Variants in TLK2 observed in about 807,000 individuals in gnomAD.
TLK2 encodes the protein tousled like kinase 2.
TLK2 carries 6 observed loss-of-function variants against 117.3 expected under a neutral mutation model. The ratio of observed to expected loss-of-function variants is 0.05; its 90% CI spans 0.03 to 0.10. The LOEUF (loss-of-function observed/expected upper bound fraction) is 0.10. TLK2 is among the 10% of genes least tolerant of loss of function. The pLI is 1.00. For synonymous variants in TLK2, 257 were observed against 316.7 expected (o/e 0.81, Z 2.00); for missense variants, 299 against 901.2 (o/e 0.33, Z 8.56).
At chr17:62,472,716 C>T (rs1345327510) in intron 1 of TLK2, among the ~76,000 whole-genome samples, 4 of 147,916 alleles carry the variant, frequency 2.7e-5, no homozygotes, top group Non-Finnish European at 4.4e-5. Flanking sequence ...CCAGCCTAGG[C>T]GACGGAGCAA....
At chr17:62,610,466 A>G (rs2083658474) in intron 21 of TLK2, among the ~76,000 whole-genome samples, 1 of 152,256 alleles carries the variant, frequency 6.6e-6, no homozygotes, top group Admixed American at 6.5e-5. Context: ...AAGTGGATAC[A>G]TTTCAGATGG....
chr17:62,505,170 A>G (rs542429524), intron 2 of TLK2, among the ~76,000 whole-genome samples: 30 of 152,096 alleles, frequency 2.0e-4, no homozygotes, highest in Non-Finnish European at 4.0e-4. Context: ...CGTCACTCAC[A>G]AGAAAAAACA....
chr17:62,509,271 TAG>T (rs1361634917), intron 2 of TLK2, among the ~76,000 whole-genome samples: 2 of 152,100 alleles, frequency 1.3e-5, no homozygotes, highest in African/African-American at 4.8e-5. Flanking sequence ...TAATTTTTTG[TAG>T]AGATGGGATC....
Position 62,615,359 on chromosome 17 carries a change from G to A in TLK2, c.*2794G>A, listed in dbSNP as rs2084046318. On this transcript the variant is annotated 3_prime_UTR_variant, in exon 22 of 22. Transcript: ENST00000346027. ...AATAGTCCCTTGTTGCCACAATGTT[G>A]ATTTACTTTACACAATGACAGTATG... is the stretch of plus-strand genomic sequence containing the variant. 6.6e-6 allele frequency: 1 copy of A among 152,098 alleles called. No homozygotes were observed. The highest frequency in any genetic ancestry group is 1.5e-5 in the Non-Finnish European group (1 of 68,042). The allele number at this position is 152,098 out of a possible 1,614,324, so 9.4% of individuals were successfully genotyped here. A position where few individuals can be genotyped will look rare whatever the true frequency, so the allele number is the denominator to read the frequency against.
intron 2 of TLK2, among the ~76,000 whole-genome samples, chr17:62,490,436 G>A (rs1047497841): frequency 6.6e-6 from 1 of 151,982 alleles, no homozygotes; most frequent in Non-Finnish European, 1.5e-5. Flanking sequence ...TAATGTATGG[G>A]GTGGCTTTCC....
chr17:62,578,699 CTT>C, intron 14 of TLK2, 125 bp downstream of exon 14: 1 of 682,582 alleles, frequency 1.5e-6, no homozygotes, highest in Non-Finnish European at 2.4e-6. Flanking sequence ...GTATTTAGCT[CTT>C]TTGTAGCATC....
chr17:62,476,340 T>C (rs939679758), upstream of TLK2, among the ~76,000 whole-genome samples: 1 of 151,654 alleles, frequency 6.6e-6, no homozygotes, highest in African/African-American at 2.4e-5. Flanking sequence ...TCACAGCACT[T>C]TGGGAGGCCG....
chr17:62,609,437 T>G (rs916076816), intron 21 of TLK2, among the ~76,000 whole-genome samples: 2 of 152,212 alleles, frequency 1.3e-5, no homozygotes, highest in African/African-American at 4.8e-5. Flanking sequence ...TCCCTCACAG[T>G]GTACCTATGT....
chr17:62,492,060 TGAAC>T (rs1193394076), intron 2 of TLK2, among the ~76,000 whole-genome samples: 1 of 152,164 alleles, frequency 6.6e-6, no homozygotes, highest in African/African-American at 2.4e-5. Context: ...TTATGTTTGA[TGAAC>T]TACACAAAAA....
At chr17:62,483,384 A>T (rs1025572795) in intron 2 of TLK2, among the ~76,000 whole-genome samples, 1 of 152,240 alleles carries the variant, frequency 6.6e-6, no homozygotes, top group Non-Finnish European at 1.5e-5. Context: ...GACCCAACTT[A>T]AAGTCATGTA....
intron 17 of TLK2, among the ~76,000 whole-genome samples, chr17:62,598,067 G>T (rs1186383480): frequency 6.6e-6 from 1 of 152,146 alleles, no homozygotes; most frequent in African/African-American, 2.4e-5. Flanking sequence ...CATGACCTGG[G>T]CCATTCTCTC....
chr17:62,599,064 GCCTC>G (rs975944888), intron 17 of TLK2, among the ~76,000 whole-genome samples: 2 of 152,066 alleles, frequency 1.3e-5, no homozygotes, highest in Non-Finnish European at 2.9e-5. Context: ...TCCTGCCTCA[GCCTC>G]CCAAGTAGCT....
intron 16 of TLK2, among the ~76,000 whole-genome samples, chr17:62,594,701 G>A (rs1231410618): frequency 1.3e-5 from 2 of 152,096 alleles, no homozygotes; most frequent in Non-Finnish European, 2.9e-5. Flanking sequence ...TCCCCACTCA[G>A]GGTTGAGGGT....
intron 15 of TLK2, among the ~76,000 whole-genome samples, chr17:62,583,547 T>TGTA (rs2081367928): frequency 6.6e-6 from 1 of 152,226 alleles, no homozygotes; most frequent in South Asian, 2.1e-4. Flanking sequence ...GATCATCCTA[T>TGTA]TTTTTCCTAA....
At chr17:62,540,558 C>T (rs868661439) in intron 7 of TLK2, among the ~76,000 whole-genome samples, 2 of 150,522 alleles carry the variant, frequency 1.3e-5, no homozygotes, top group Non-Finnish European at 3.0e-5. Flanking sequence ...ACCACCATAC[C>T]CAGCTGATTT....
In TLK2 at chr17:62,586,277, T is replaced by A. The variant is rs758026674; in HGVS notation, c.1460+51T>A. 16 of 1,310,886 alleles carry A rather than the reference T, an allele frequency of 1.2e-5. No homozygotes were observed. The South Asian group carries it at 2.0e-4, about 16-fold the overall frequency. 81.2% of individuals were successfully genotyped at this position (1,310,886 alleles called of 1,614,324 possible). On this transcript the variant is annotated intron_variant, in intron 16 of 21. Transcript: ENST00000346027. The stretch of plus-strand genomic sequence containing the variant: ...TTTTAAAATTAAATAATACCTGTAG[T>A]TTGAGCATTATGCTACAAGCTTTAC...
rs561251067 is a variant in TLK2 at position 62,589,239 on chromosome 17, A to T, written c.1460+3013A>T. 6.6e-5 allele frequency among the ~76,000 whole-genome samples: 10 copies of T among 152,232 alleles called. No individual in the cohort carries two copies. In the South Asian group the frequency reaches 2.1e-3, roughly 32 times the overall value. On this transcript the variant is annotated intron_variant, in intron 16 of 21. Transcript: ENST00000346027. ...ACGACTGCTTTAACTCCCTCAAATA[A>T]CATATTAAAAATTCTGCCGTAGGAA...
intron 21 of TLK2, 75 bp from the exon 22 acceptor site, chr17:62,612,317 G>C: frequency 6.7e-7 from 1 of 1,498,500 alleles, no homozygotes; most frequent in Non-Finnish European, 9.0e-7. Flanking sequence ...CCTGGCAGCC[G>C]ATAGAGAGCC....
intron 6 of TLK2, among the ~76,000 whole-genome samples, chr17:62,526,722 T>G (rs979624902): frequency 2.0e-5 from 3 of 152,220 alleles, no homozygotes; most frequent in Non-Finnish European, 4.4e-5. Flanking sequence ...CATCTGGTTT[T>G]TCAGGTCACA....
Sources: gnomAD v4.1 joint callset for allele counts (sites outside exome capture counted in the v4.1 genomes callset) on GRCh38, gnomAD v4.1.1 for gene constraint, MANE v1.5 for transcripts, NCBI Gene and HGNC (gene_info 2026-07-23, HGNC 2026-07-21) for gene names.